The following SLC14A2 variants were observed in gnomAD, a reference collection of about 807,000 sequenced individuals.
SLC14A2 encodes the protein urea transporter 2.
Under a neutral mutation model 104.6 loss-of-function variants are expected in SLC14A2, and 91 were observed. The ratio of observed to expected loss-of-function variants is 0.87; its 90% CI spans 0.73 to 1.04. SLC14A2 has a LOEUF of 1.04. SLC14A2 is among the 50% of genes least tolerant of loss of function. SLC14A2 has a pLI of 0.00. For missense variants in SLC14A2, 1,189 were observed against 1,156.0 expected (o/e 1.03, Z -0.41); for synonymous variants, 476 against 466.4 (o/e 1.02, Z -0.27).
intron 1 of SLC14A2, among the ~76,000 whole-genome samples, chr18:45,322,163 AT>A (rs1209963034): frequency 6.6e-6 from 1 of 152,228 alleles, no homozygotes; most frequent in Non-Finnish European, 1.5e-5. Flanking sequence ...AAATACTTTC[AT>A]CTTATTCATT....
At chr18:45,326,056 T>G (rs919672173) in intron 1 of SLC14A2, among the ~76,000 whole-genome samples, 2 of 152,334 alleles carry the variant, frequency 1.3e-5, no homozygotes, top group Admixed American at 6.5e-5. Flanking sequence ...CAGAGTTGCA[T>G]TCACACCCAC....
intron 10 of SLC14A2, among the ~76,000 whole-genome samples, chr18:45,651,688 C>T (rs913356307): frequency 3.9e-5 from 6 of 152,130 alleles, no homozygotes; most frequent in African/African-American, 1.4e-4. Context: ...TTTTCCAATT[C>T]CCAACGTTCT....
upstream of SLC14A2, among the ~76,000 whole-genome samples, chr18:45,210,066 A>G (rs772541952): frequency 6.6e-6 from 1 of 152,124 alleles, no homozygotes; most frequent in African/African-American, 2.4e-5. Flanking sequence ...CATGTAGGCA[A>G]CCCCTACTGT....
In SLC14A2 at chr18:45,235,792, T is replaced by TGC. The variant is rs200720963; in HGVS notation, c.-125+22605_-125+22606dup. The stretch of plus-strand genomic sequence containing the variant: ...TGGGTGAGTAGCATTCCAATGTGTA[T>TGC]GCGCGTGTGTGTGTGTGTGTGTATA... On this transcript the variant is annotated intron_variant, in intron 1 of 20. Transcript: ENST00000586448. 2.1e-3 allele frequency among the ~76,000 whole-genome samples: 293 copies of TGC among 138,248 alleles called. 9 individuals carry two copies. The highest frequency in any genetic ancestry group is 7.3e-3 in the Middle Eastern group (2 of 274). 90.7% of individuals were successfully genotyped at this position (138,248 alleles called of 152,430 possible).
At chr18:45,262,412 G>T (rs935144236) in intron 1 of SLC14A2, among the ~76,000 whole-genome samples, 1 of 152,134 alleles carries the variant, frequency 6.6e-6, no homozygotes, top group African/African-American at 2.4e-5. Context: ...AGGGGAGTTA[G>T]CCAGGCAATC....
intron 7 of SLC14A2, among the ~76,000 whole-genome samples, chr18:45,640,315 A>C (rs531376412): frequency 3.6e-4 from 55 of 152,056 alleles, no homozygotes; most frequent in African/African-American, 1.3e-3. Context: ...GCAAGGGGGT[A>C]AGAACCAAGT....
chr18:45,423,204 TCCTTAC>T (rs1256498896), intron 1 of SLC14A2, among the ~76,000 whole-genome samples: 2 of 152,236 alleles, frequency 1.3e-5, no homozygotes, highest in Non-Finnish European at 2.9e-5. Flanking sequence ...TCCAGCACCG[TCCTTAC>T]AGGGACCCGA....
At chr18:45,518,616 G>A (rs1261091672) in intron 2 of SLC14A2, among the ~76,000 whole-genome samples, 1 of 152,246 alleles carries the variant, frequency 6.6e-6, no homozygotes, top group Non-Finnish European at 1.5e-5. Flanking sequence ...CGCTGGAAAA[G>A]CTTTACAGAG....
At chr18:45,499,715 A>G (rs1206436840) in intron 2 of SLC14A2, among the ~76,000 whole-genome samples, 1 of 152,176 alleles carries the variant, frequency 6.6e-6, no homozygotes, top group Non-Finnish European at 1.5e-5. Context: ...GGGTGTCAAC[A>G]TTGGGTTTTA....
chr18:45,278,542 G>A (rs2084727764), intron 1 of SLC14A2, among the ~76,000 whole-genome samples: 1 of 152,162 alleles, frequency 6.6e-6, no homozygotes, highest in African/African-American at 2.4e-5. Context: ...CCATATCACA[G>A]GATCACTGTG....
At chr18:45,325,033 G>A (rs926543702) in intron 1 of SLC14A2, among the ~76,000 whole-genome samples, 11 of 152,082 alleles carry the variant, frequency 7.2e-5, no homozygotes, top group African/African-American at 2.4e-5. Flanking sequence ...TCATTACCTC[G>A]CAGCAAGCCA....
intron 1 of SLC14A2, among the ~76,000 whole-genome samples, chr18:45,415,587 A>G (rs1023810478): frequency 2.6e-5 from 4 of 152,182 alleles, no homozygotes; most frequent in African/African-American, 9.6e-5. Flanking sequence ...AATGGGCTCA[A>G]CTGTTCCCCA....
At chr18:45,431,022 G>C (rs948925080) in intron 1 of SLC14A2, among the ~76,000 whole-genome samples, 5 of 152,150 alleles carry the variant, frequency 3.3e-5, no homozygotes, top group Admixed American at 6.5e-5. Flanking sequence ...CAGGATCCAG[G>C]CATGAGATAA....
upstream of SLC14A2, among the ~76,000 whole-genome samples, chr18:45,612,836 A>G (rs1274650041): frequency 6.6e-6 from 1 of 152,158 alleles, no homozygotes; most frequent in Non-Finnish European, 1.5e-5. Flanking sequence ...GAGTTTTCAC[A>G]AGGTCTGATA....
chr18:45,594,135 C>T (rs1395055267), intron 2 of SLC14A2, among the ~76,000 whole-genome samples: 1 of 152,124 alleles, frequency 6.6e-6, no homozygotes, highest in African/African-American at 2.4e-5. Context: ...ATACAGACTG[C>T]AAGAGTGCAA....
intron 1 of SLC14A2, among the ~76,000 whole-genome samples, chr18:45,470,081 C>T (rs2087219154): frequency 1.3e-5 from 2 of 152,172 alleles, no homozygotes; most frequent in African/African-American, 4.8e-5. Context: ...TTATACATCT[C>T]CTGCCTTTTG....
At chr18:45,445,609 C>T (rs2086755232) in intron 1 of SLC14A2, among the ~76,000 whole-genome samples, 1 of 152,148 alleles carries the variant, frequency 6.6e-6, no homozygotes, top group South Asian at 2.1e-4. Context: ...GAATACCAAC[C>T]TAGCTCATAG....
rs147737674 is a variant in SLC14A2 at position 45,472,818 on chromosome 18, C to A, written c.-124-10415C>A. On this transcript the variant is annotated intron_variant, in intron 1 of 20. Coordinates refer to the SLC14A2 transcript ENST00000586448. Reference sequence around the variant, plus strand: ...TAGAATGCAAAAATTTTCTTCCATTCTGCAGGTTGCCTGTTCACTCTGATG... The same window carrying A: ...TAGAATGCAAAAATTTTCTTCCATTATGCAGGTTGCCTGTTCACTCTGATG... 1.9e-3 allele frequency among the ~76,000 whole-genome samples: 287 copies of A among 152,240 alleles called. 2 individuals carry two copies. Among genetic ancestry groups the A allele is most frequent in the African/African-American group, 6.2e-3 (257 of 41,548 alleles).
At chr18:45,189,100 C>A in the SLC14A2 span, among the ~76,000 whole-genome samples, 1 of 152,268 alleles carries the variant, frequency 6.6e-6, no homozygotes, top group East Asian at 1.9e-4. Context: ...GATGTAGAAA[C>A]AACTGATTTA....
Sources: allele counts gnomAD v4.1 joint callset (sites outside exome capture counted in the v4.1 genomes callset), GRCh38; gene constraint gnomAD v4.1.1; transcripts MANE v1.5; gene names NCBI Gene and HGNC (gene_info 2026-07-23, HGNC 2026-07-21).